Variants in LPP observed in about 807,000 individuals in gnomAD.
LPP encodes the protein lipoma-preferred partner.
Under a neutral mutation model 60.4 loss-of-function variants are expected in LPP, and 38 were observed. The observed-to-expected ratio is 0.63, with a 90% CI of 0.49 to 0.83. The LOEUF (loss-of-function observed/expected upper bound fraction) is 0.83, where lower values mean the gene tolerates loss of function less well. LPP is among the 40% of genes least tolerant of loss of function. The probability of loss-of-function intolerance (pLI) is 0.00; values close to 1 mark genes in which losing one functional copy is unlikely to be tolerated. For synonymous variants in LPP, 328 were observed against 290.8 expected (o/e 1.13, Z -1.30); for missense variants, 902 against 783.6 (o/e 1.15, Z -1.80).
At chr3:188,839,671 G>A (rs1200627120) in intron 9 of LPP, among the ~76,000 whole-genome samples, 2 of 151,896 alleles carry the variant, frequency 1.3e-5, no homozygotes, top group African/African-American at 2.4e-5. Flanking sequence ...TCAGGAGATC[G>A]AGACCATCCT....
intron 7 of LPP, among the ~76,000 whole-genome samples, chr3:188,612,093 T>A (rs1843832915): frequency 6.6e-6 from 1 of 152,246 alleles, no homozygotes; most frequent in African/African-American, 2.4e-5. Flanking sequence ...ATGTTATTTT[T>A]AAAATTTTTG....
chr3:188,667,032 G>A (rs948780079), intron 7 of LPP, among the ~76,000 whole-genome samples: 5 of 152,152 alleles, frequency 3.3e-5, no homozygotes, highest in African/African-American at 1.2e-4. Flanking sequence ...TGAGGTTGCT[G>A]TACATTCTCA....
At position 188,592,563 on chromosome 3, in the gene LPP, T is replaced by TTTTTTTTTTTTTTTTTTTTGGG; in HGVS notation, c.430-16598_430-16597insTTTTTTTTTTTTTTTTTTTGGG. Among the ~76,000 whole-genome samples, 7 of 77,244 alleles carry TTTTTTTTTTTTTTTTTTTTGGG rather than the reference T, an allele frequency of 9.1e-5. 2 individuals carry two copies. Among genetic ancestry groups the TTTTTTTTTTTTTTTTTTTTGGG allele is most frequent in the African/African-American group, 3.3e-4 (7 of 21,380 alleles). The allele number at this position is 77,244 out of a possible 152,430, so 50.7% of individuals were successfully genotyped here. A position where few individuals can be genotyped will look rare whatever the true frequency, so the allele number is the denominator to read the frequency against. On this transcript the variant is annotated intron_variant, in intron 6 of 11. Coordinates refer to ENST00000617246, the MANE Select transcript of LPP (RefSeq NM_001375462.1). The stretch of plus-strand genomic sequence containing the variant: ...TGTTTTTAGTTTTGTTTTTGTTTTT[T>TTTTTTTTTTTTTTTTTTTTGGG]AAATGGAGTCTCACTCTTTCTCCCA...
At chr3:188,675,288 G>T (rs1475702469) in intron 7 of LPP, among the ~76,000 whole-genome samples, 1 of 152,172 alleles carries the variant, frequency 6.6e-6, no homozygotes, top group Non-Finnish European at 1.5e-5. Flanking sequence ...AATGAAGTGG[G>T]TTGCGGCAAG....
At chr3:188,167,965 A>T (rs1327787813) in intron 1 of LPP, among the ~76,000 whole-genome samples, 2 of 152,220 alleles carry the variant, frequency 1.3e-5, no homozygotes, top group Non-Finnish European at 2.9e-5. Context: ...TACTAAAAAA[A>T]TTTCCCAAGT....
At chr3:188,165,266 CTCTG>C (rs961475182) in intron 1 of LPP, among the ~76,000 whole-genome samples, 8 of 151,298 alleles carry the variant, frequency 5.3e-5, no homozygotes, top group East Asian at 1.9e-4. Context: ...ACAGAATAGA[CTCTG>C]TCTGTCAGGA....
intron 6 of LPP, among the ~76,000 whole-genome samples, chr3:188,536,518 A>C (rs1823671244): frequency 6.6e-6 from 1 of 152,228 alleles, no homozygotes; most frequent in Admixed American, 6.5e-5. Context: ...AAGTGGAAAT[A>C]AACTTTGTGT....
rs554512592 is a variant in LPP at position 188,724,248 on chromosome 3, C to T, written c.1240+15855C>T. ...CTAGTAATTAGAGTTGCAATTTGAA[C>T]ACAGAACCCAGCTCTTAACCCCTGC... On this transcript the variant is annotated intron_variant, in intron 8 of 11. Coordinates refer to ENST00000617246, the MANE Select transcript of LPP (RefSeq NM_001375462.1). 2.6e-5 allele frequency among the ~76,000 whole-genome samples: 4 copies of T among 152,172 alleles called. No individual in the cohort carries two copies. The South Asian group carries it at 6.2e-4, about 24-fold the overall frequency.
intron 6 of LPP, among the ~76,000 whole-genome samples, chr3:188,608,765 A>G (rs1843001676): frequency 6.6e-6 from 1 of 152,168 alleles, no homozygotes; most frequent in Non-Finnish European, 1.5e-5. Context: ...TGGGTAGGAT[A>G]TACATTCTAA....
chr3:188,702,708 A>G (rs1016481295), intron 7 of LPP, among the ~76,000 whole-genome samples: 1 of 152,210 alleles, frequency 6.6e-6, no homozygotes, highest in African/African-American at 2.4e-5. Flanking sequence ...AAACAAACAT[A>G]TTAGTGATTA....
chr3:188,847,537 G>T (rs1761740172), intron 9 of LPP, among the ~76,000 whole-genome samples: 1 of 152,162 alleles, frequency 6.6e-6, no homozygotes, highest in African/African-American at 2.4e-5. Context: ...GGAAAATATT[G>T]ATTAGACTGT....
chr3:188,459,040 A>G (rs1798397125), intron 4 of LPP, among the ~76,000 whole-genome samples: 1 of 152,150 alleles, frequency 6.6e-6, no homozygotes, highest in Non-Finnish European at 1.5e-5. Context: ...ATCCTTTTGT[A>G]CTGAAGCCCA....
intron 9 of LPP, among the ~76,000 whole-genome samples, chr3:188,785,590 G>C (rs1741586330): frequency 7.1e-6 from 1 of 140,754 alleles, no homozygotes; most frequent in African/African-American, 2.7e-5. Flanking sequence ...ACACATCCCA[G>C]TTTCTTTATC....
At chr3:188,244,531 A>T (rs1726165842) in intron 2 of LPP, among the ~76,000 whole-genome samples, 1 of 152,148 alleles carries the variant, frequency 6.6e-6, no homozygotes, top group South Asian at 2.1e-4. Flanking sequence ...TCATCAAAGC[A>T]ATTAGAAGAC....
At chr3:188,288,000 AATC>A (rs1165014158) in intron 2 of LPP, among the ~76,000 whole-genome samples, 1 of 152,254 alleles carries the variant, frequency 6.6e-6, no homozygotes, top group African/African-American at 2.4e-5. Context: ...ACAATAAAAA[AATC>A]AGCAGTAAAA....
chr3:188,575,155 G>A (rs1387624204), intron 6 of LPP, among the ~76,000 whole-genome samples: 1 of 152,114 alleles, frequency 6.6e-6, no homozygotes, highest in Non-Finnish European at 1.5e-5. Context: ...CAGGTCCTGG[G>A]AGGCAGTAAT....
chr3:188,787,296 G>A (rs1270044654), intron 9 of LPP, among the ~76,000 whole-genome samples: 1 of 151,876 alleles, frequency 6.6e-6, no homozygotes, highest in Non-Finnish European at 1.5e-5. Context: ...AAAATTTAAA[G>A]TTTAATTTAT....
chr3:188,248,497 T>TATATATATAC (rs1288280759), intron 2 of LPP, among the ~76,000 whole-genome samples: 8 of 140,714 alleles, frequency 5.7e-5, no homozygotes, highest in Admixed American at 1.4e-4. Context: ...TATATATATA[T>TATATATATAC]ACAGTCAGCA....
chr3:188,358,886 C>T (rs1228367660), intron 3 of LPP, among the ~76,000 whole-genome samples: 1 of 152,150 alleles, frequency 6.6e-6, no homozygotes, highest in Non-Finnish European at 1.5e-5. Context: ...GGTACCACTC[C>T]AGAAAGAGTG....
Sources: allele counts gnomAD v4.1 joint callset (sites outside exome capture counted in the v4.1 genomes callset), GRCh38; gene constraint gnomAD v4.1.1; transcripts MANE v1.5; gene names NCBI Gene and HGNC (gene_info 2026-07-23, HGNC 2026-07-21).